Variants in SLC7A2 observed in about 807,000 individuals in gnomAD.
The protein encoded by SLC7A2 is cationic amino acid transporter 2.
SLC7A2 carries 48 observed loss-of-function variants against 58.9 expected under a neutral mutation model. The ratio of observed to expected loss-of-function variants is 0.82; its 90% CI spans 0.65 to 1.04. The LOEUF (loss-of-function observed/expected upper bound fraction) is 1.04, where lower values mean the gene tolerates loss of function less well. Ranked by LOEUF, SLC7A2 falls within the 50% of genes least tolerant of loss-of-function variation. The pLI is 0.00. For synonymous variants in SLC7A2, 363 were observed against 314.5 expected (o/e 1.15, Z -1.63); for missense variants, 1,029 against 818.8 (o/e 1.26, Z -3.13).
intron 2 of SLC7A2, among the ~76,000 whole-genome samples, chr8:17,507,096 C>T (rs1001415061): frequency 2.6e-5 from 4 of 152,140 alleles, no homozygotes; most frequent in Non-Finnish European, 4.4e-5. Context: ...AGGCGGGCAC[C>T]ACCATGCCTG....
Position 17,569,601 on chromosome 8 carries a change from C to G in SLC7A2, c.*4455C>G, listed in dbSNP as rs570174874. The G allele has an allele frequency of 2.4e-4, 36 of 152,138 alleles. No homozygotes were observed. The highest frequency in any genetic ancestry group is 1.5e-3 in the Admixed American group (23 of 15,286). The allele number at this position is 152,138 out of a possible 1,614,324, so 9.4% of individuals were successfully genotyped here. A position where few individuals can be genotyped will look rare whatever the true frequency, so the allele number is the denominator to read the frequency against. ...ATATTAAACACTTTAAAATAGCCTT[C>G]CGGTTTCTGGATTTTGAGAAGCCTG... On this transcript the variant is annotated 3_prime_UTR_variant, in exon 13 of 13. Coordinates refer to ENST00000494857, the MANE Select transcript of SLC7A2 (RefSeq NM_001370338.1).
Position 17,551,879 on chromosome 8 carries a change from C to G in SLC7A2, c.948C>G (p.Tyr316Ter). ...VSAALTLMMP[Y>*]YLLDEKSPLP... ...CAGCTTTAACACTTATGATGCCGTA[C>G]TACCTCCTCGATGAAAAAAGCCCCC... Residue 316 changes from tyrosine (Y) to a stop codon, truncating the protein, a stop_gained, in exon 7 of 13, where the codon TAC becomes TAG. Transcript: ENST00000494857. LOFTEE classifies it high-confidence loss of function. The G allele has an allele frequency of 6.2e-7, 1 of 1,613,940 alleles. No homozygotes were observed. Among genetic ancestry groups the G allele is most frequent in the African/African-American group, 1.3e-5 (1 of 74,978 alleles).
intron 12 of SLC7A2, among the ~76,000 whole-genome samples, chr8:17,564,593 T>C (rs1265210057): frequency 6.6e-6 from 1 of 152,150 alleles, no homozygotes; most frequent in Non-Finnish European, 1.5e-5. Flanking sequence ...TCATCAGGCA[T>C]TAGTTAGATT....
chr8:17,510,379 A>G (rs751830734), intron 2 of SLC7A2, among the ~76,000 whole-genome samples: 19 of 152,140 alleles, frequency 1.2e-4, no homozygotes, highest in Non-Finnish European at 2.6e-4. Flanking sequence ...AATATCTATA[A>G]CTAGGAAAAA....
At chr8:17,562,256 A>C (rs1481137375) in intron 11 of SLC7A2, 146 bp downstream of exon 11, 2 of 790,786 alleles carry the variant, frequency 2.5e-6, no homozygotes, top group Non-Finnish European at 3.7e-6. Context: ...GCTGGAGTGC[A>C]ATGGAGCGAA....
chr8:17,505,670 T>G (rs575021743), intron 2 of SLC7A2, among the ~76,000 whole-genome samples: 1 of 152,250 alleles, frequency 6.6e-6, no homozygotes, highest in East Asian at 1.9e-4. Flanking sequence ...ATGTCTGACA[T>G]AAACAGAAAA....
At chr8:17,528,958 G>C (rs1801329313) in intron 2 of SLC7A2, among the ~76,000 whole-genome samples, 1 of 151,560 alleles carries the variant, frequency 6.6e-6, no homozygotes, top group Admixed American at 6.6e-5. Context: ...GGGGATGAAA[G>C]GAATTCTGAA....
At chr8:17,538,857 C>A (rs779992893) in intron 2 of SLC7A2, 1 of 1,613,588 alleles carries the variant, frequency 6.2e-7, no homozygotes, top group South Asian at 1.1e-5. Flanking sequence ...ATAACTCAGA[C>A]AAACTAATTT....
chr8:17,535,394 G>A (rs956063235), intron 2 of SLC7A2, among the ~76,000 whole-genome samples: 13 of 152,004 alleles, frequency 8.6e-5, no homozygotes, highest in South Asian at 6.2e-4. Flanking sequence ...CTGTATCCCC[G>A]TCACAGTCAG....
Position 17,564,955 on chromosome 8 carries a change from C to T in SLC7A2, c.1786C>T (p.Leu596=). Residue 596 remains leucine, a synonymous_variant, in exon 13 of 13, where the codon CTG becomes TTG. Transcript: ENST00000494857. ...RFSIWMAIGF[L]IYFSYGIRHS... Reference sequence around the variant, plus strand: ...TTTTTTTCCTGCCCCAACAGGCTTCCTGATTTACTTTTCTTATGGCATTAG... The same window carrying T: ...TTTTTTTCCTGCCCCAACAGGCTTCTTGATTTACTTTTCTTATGGCATTAG... 1 of 1,575,208 alleles carries T rather than the reference C, an allele frequency of 6.3e-7. No homozygotes were observed. Among genetic ancestry groups the T allele is most frequent in the Non-Finnish European group, 8.6e-7 (1 of 1,164,994 alleles).
At chr8:17,538,763 T>G in intron 2 of SLC7A2, 2 of 1,605,684 alleles carry the variant, frequency 1.2e-6, no homozygotes, top group South Asian at 2.2e-5. Context: ...TTTAATTACT[T>G]TTTTTTCCAT....
chr8:17,562,014 G>C lies in SLC7A2; in HGVS notation c.1575G>C (p.Trp525Cys), dbSNP rs756224519. Residue 525 changes from tryptophan (W) to cysteine (C), a missense_variant, in exon 11 of 13, where the codon TGG becomes TGC. Transcript: ENST00000494857. ...ATGCCATCACCAGGCTGGAGGCCTG[G>C]AGCCTCGCTCTCCTCGCGCTGTTTC... ...GVHAITRLEA[W>C]SLALLALFLV... The C allele has an allele frequency of 1.2e-6, 2 of 1,613,978 alleles. No individual in the cohort carries two copies. Among genetic ancestry groups the C allele is most frequent in the Non-Finnish European group, 1.7e-6 (2 of 1,179,944 alleles).
At position 17,520,227 on chromosome 8, in the gene SLC7A2, A is replaced by G. The variant is rs546896862; in HGVS notation, c.-23+17925A>G. Among the ~76,000 whole-genome samples the G allele has an allele frequency of 2.2e-4, 33 of 152,250 alleles. No homozygotes were observed. The South Asian group carries it at 6.2e-3, about 29-fold the overall frequency. On this transcript the variant is annotated intron_variant, in intron 2 of 12. Coordinates refer to ENST00000494857, the MANE Select transcript of SLC7A2 (RefSeq NM_001370338.1). ...AAGGGAGAAACTTTTTTATTGTGAC[A>G]TATGTTCCAACTATATTTTAAGACA...
At chr8:17,538,652 T>C (rs1173233752) in intron 2 of SLC7A2, 1 of 631,906 alleles carries the variant, frequency 1.6e-6, no homozygotes, top group Non-Finnish European at 2.5e-6. Flanking sequence ...AAAATTTATC[T>C]TGGAACTTTA....
At chr8:17,531,470 C>A (rs1416987037) in intron 2 of SLC7A2, among the ~76,000 whole-genome samples, 1 of 152,022 alleles carries the variant, frequency 6.6e-6, no homozygotes, top group East Asian at 1.9e-4. Flanking sequence ...TAAATTTTTG[C>A]TTAGATTGCA....
At chr8:17,524,160 T>A (rs559517730) in intron 2 of SLC7A2, among the ~76,000 whole-genome samples, 32 of 152,324 alleles carry the variant, frequency 2.1e-4, no homozygotes, top group South Asian at 1.2e-3. Flanking sequence ...TTGGTGGGAA[T>A]GTAAACTAGT....
chr8:17,544,513 G>C lies in SLC7A2; in HGVS notation c.439G>C (p.Gly147Arg). Residue 147 changes from glycine to arginine, a missense_variant, in exon 4 of 13, where the codon GGT becomes CGT. Gly to Arg is a moderately radical substitution (Grantham distance 125). Coordinates refer to ENST00000494857, the MANE Select transcript of SLC7A2 (RefSeq NM_001370338.1). ...TGATGAACTTCTTAGCAAACAGATTGGTCAGTTTTTGAGGACATACTTCAG... is the reference window on the plus strand; with the variant it reads ...TGATGAACTTCTTAGCAAACAGATTCGTCAGTTTTTGAGGACATACTTCAG... ...TFDELLSKQI[G>R]QFLRTYFRMN... The C allele has an allele frequency of 6.2e-7, 1 of 1,613,824 alleles. No homozygotes were observed. The highest frequency in any genetic ancestry group is 8.5e-7 in the Non-Finnish European group (1 of 1,179,772).
chr8:17,545,403 C>CTTTTTTTTTTTTTTTT (rs386412194), intron 4 of SLC7A2, among the ~76,000 whole-genome samples: 3 of 64,300 alleles, frequency 4.7e-5, no homozygotes, highest in African/African-American at 1.4e-4. Context: ...TGAACATTTT[C>CTTTTTTTTTTTTTTTT]TTTTTTTTTT....
upstream of SLC7A2, among the ~76,000 whole-genome samples, chr8:17,494,647 AGTCT>A (rs2150624082): frequency 6.6e-6 from 1 of 152,300 alleles, no homozygotes; most frequent in Non-Finnish European, 1.5e-5. Context: ...CTTGTCTCAT[AGTCT>A]GTCTTAAGAG....
Sources: allele counts gnomAD v4.1 joint callset (sites outside exome capture counted in the v4.1 genomes callset), GRCh38; gene constraint gnomAD v4.1.1; transcripts MANE v1.5; gene names NCBI Gene and HGNC (gene_info 2026-07-23, HGNC 2026-07-21).